Variants in COL3A1 observed in about 807,000 individuals in gnomAD.
COL3A1 encodes the protein collagen type III alpha 1 chain, also known as collagen alpha-1(III) chain.
COL3A1 carries 46 observed loss-of-function variants against 200.9 expected under a neutral mutation model. The ratio of observed to expected loss-of-function variants is 0.23; its 90% CI spans 0.18 to 0.29. The LOEUF is 0.29. COL3A1 is among the 10% of genes least tolerant of loss of function. The pLI is 1.00. For synonymous variants in COL3A1, 650 were observed against 628.0 expected (o/e 1.03, Z -0.52); for missense variants, 1,367 against 1,917.6 (o/e 0.71, Z 5.36).
rs1380159460 is a variant in COL3A1, at chr2:189,007,480, T to G, written c.3256-20T>G. ...TATGTATGTGTGTATATGACTTCAATTCAAAATATGTTTCTAAAGGGTCCT... is the reference window on the plus strand; with the variant it reads ...TATGTATGTGTGTATATGACTTCAAGTCAAAATATGTTTCTAAAGGGTCCT... On this transcript the variant is annotated intron_variant, in intron 44 of 50. Coordinates refer to ENST00000304636, the MANE Select transcript of COL3A1 (RefSeq NM_000090.4). 1.3e-6 allele frequency: 2 copies of G among 1,595,202 alleles called. No homozygotes were observed. Among genetic ancestry groups the G allele is most frequent in the East Asian group, 4.5e-5 (2 of 44,372 alleles).
At chr2:188,976,834 C>A (rs1687829251) in intron 1 of COL3A1, among the ~76,000 whole-genome samples, 1 of 152,144 alleles carries the variant, frequency 6.6e-6, no homozygotes, top group Admixed American at 6.6e-5. Flanking sequence ...TATAAACATG[C>A]CAAGTTTTAA....
chr2:189,009,658 G>C (rs1254611424), intron 48 of COL3A1, among the ~76,000 whole-genome samples: 1 of 152,082 alleles, frequency 6.6e-6, no homozygotes, highest in East Asian at 1.9e-4. Context: ...TATTGTAATA[G>C]TTTAAGGTTT....
rs1688631257 is a variant in COL3A1, at chr2:189,007,918, C to A, written c.3397C>A (p.Pro1133Thr). The change falls in exon 46 of 51, where the codon CCA becomes ACA. Residue 1133 changes from proline (P) to threonine (T), a missense_variant. This residue lies in a region of COL3A1 where 846 missense variants were observed against 1,147.9 expected (regional missense o/e 0.74). Transcript: ENST00000304636. ...TGGTCAGCAGGGTGCAATCGGCAGTCCAGGACCTGCAGGCCCCAGAGTAAG... is the reference window on the plus strand; with the variant it reads ...TGGTCAGCAGGGTGCAATCGGCAGTACAGGACCTGCAGGCCCCAGAGTAAG... ...PAGQQGAIGS[P>T]GPAGPRGPVG... 1 of 1,614,000 alleles carries A rather than the reference C, an allele frequency of 6.2e-7. No homozygotes were observed.
rs774054834 is a variant in COL3A1, at chr2:189,007,037, A to G, written c.3255+47A>G. On this transcript the variant is annotated intron_variant, in intron 44 of 50. Coordinates refer to ENST00000304636, the MANE Select transcript of COL3A1 (RefSeq NM_000090.4). ...TTTTATTTTGTTTTGTTCTTTTTTT[A>G]ACTCATTCTACAGTGTAGGAAATAT... 6.0e-6 allele frequency: 9 copies of G among 1,501,360 alleles called. No homozygotes were observed. In the South Asian group the frequency reaches 9.1e-5, roughly 15 times the overall value. The allele number at this position is 1,501,360 out of a possible 1,614,324, so 93.0% of individuals were successfully genotyped here. A position where few individuals can be genotyped will look rare whatever the true frequency, so the allele number is the denominator to read the frequency against.
chr2:189,001,476 A>G lies in COL3A1; in HGVS notation c.2337+26A>G, dbSNP rs752867182. On this transcript the variant is annotated intron_variant, in intron 33 of 50. Coordinates refer to ENST00000304636, the MANE Select transcript of COL3A1 (RefSeq NM_000090.4). ...GTAACCCTTAATACTACCTGGATAT[A>G]AAAAGAAAATGTCTCTCTCTTTTGG... 34 of 1,613,892 alleles carry G rather than the reference A, an allele frequency of 2.1e-5. 1 individual carries two copies. The highest frequency in any genetic ancestry group is 4.0e-5 in the African/African-American group (3 of 74,914).
intron 32 of COL3A1, among the ~76,000 whole-genome samples, chr2:189,000,824 AC>A (rs997241836): frequency 2.0e-5 from 3 of 152,186 alleles, no homozygotes; most frequent in Non-Finnish European, 2.9e-5. Flanking sequence ...AAAACAAAAA[AC>A]ATCTCCTAAA....
chr2:188,990,497 A>AGTTT lies in COL3A1; in HGVS notation c.798+145_798+148dup, dbSNP rs1025186699. On this transcript the variant is annotated intron_variant, in intron 10 of 50. Transcript: ENST00000304636. ...TAATTTGATATTTTTAAGTCTACTA[A>AGTTT]GTTTGTTTGTTGACCAAACTAGTCA... The AGTTT allele has an allele frequency of 4.8e-6, 4 of 829,754 alleles. No homozygotes were observed. The Admixed American group carries it at 6.6e-5, about 14-fold the overall frequency. The allele number at this position is 829,754 out of a possible 1,614,324, so 51.4% of individuals were successfully genotyped here. A position where few individuals can be genotyped will look rare whatever the true frequency, so the allele number is the denominator to read the frequency against.
At position 189,011,764 on chromosome 2, in the gene COL3A1, G is replaced by C; in HGVS notation, c.4391G>C (p.Cys1464Ser). The C allele has an allele frequency of 1.2e-6, 2 of 1,613,820 alleles. No homozygotes were observed. Among genetic ancestry groups the C allele is most frequent in the Non-Finnish European group, 1.7e-6 (2 of 1,179,788 alleles). Reference protein sequence around the residue: ...QEFGVDVGPVCFL With the variant: ...QEFGVDVGPVSFL Reference sequence around the variant, plus strand: ...TTTGGTGTGGACGTTGGCCCTGTTTGCTTTTTATAAACCAAACTCTATCTG... The same window carrying C: ...TTTGGTGTGGACGTTGGCCCTGTTTCCTTTTTATAAACCAAACTCTATCTG... The change falls in exon 51 of 51, where the codon TGC (cysteine) becomes TCC (serine). Residue 1464 changes from cysteine to serine, a missense_variant. This residue lies in a region of COL3A1 where 846 missense variants were observed against 1,147.9 expected (regional missense o/e 0.74). Coordinates refer to ENST00000304636, the MANE Select transcript of COL3A1 (RefSeq NM_000090.4).
intron 1 of COL3A1, among the ~76,000 whole-genome samples, chr2:188,980,511 C>T (rs1687930540): frequency 1.3e-5 from 2 of 149,968 alleles, no homozygotes; most frequent in African/African-American, 4.9e-5. Flanking sequence ...AAGGACATTT[C>T]TAAGGAGATT....
chr2:189,006,931 T>A lies in COL3A1; in HGVS notation c.3202-6T>A. On this transcript the variant is annotated splice_polypyrimidine_tract_variant and splice_region_variant and intron_variant, in intron 43 of 50. Transcript: ENST00000304636. ...ATGTCTTCTCAATTGAATGTTTTCA[T>A]CTTAGGGCCCTGCTGGCCCTGCTGG... The A allele has an allele frequency of 6.2e-7, 1 of 1,613,350 alleles. No homozygotes were observed. Among genetic ancestry groups the A allele is most frequent in the East Asian group, 2.2e-5 (1 of 44,828 alleles).
intron 1 of COL3A1, among the ~76,000 whole-genome samples, chr2:188,982,896 A>G (rs1021028232): frequency 6.6e-6 from 1 of 151,924 alleles, no homozygotes; most frequent in African/African-American, 2.4e-5. Context: ...TGGTGAACTT[A>G]GTACTTAAAT....
intron 14 of COL3A1, among the ~76,000 whole-genome samples, chr2:188,992,553 T>C (rs924368062): frequency 6.6e-6 from 1 of 152,094 alleles, no homozygotes; most frequent in Non-Finnish European, 1.5e-5. Context: ...TAATATCCTA[T>C]GTAAGACATG....
In COL3A1 at chr2:188,994,302, T is replaced by G; in HGVS notation, c.1263T>G (p.Ala421=). The stretch of plus-strand genomic sequence containing the variant: ...GGGGTCCTCCAGGACCAGCCGGTGC[T>G]AATGGTGCTCCTGGACTGCGAGGTG... ...GARGPPGPAG[A]NGAPGLRGGA... is the part of the protein sequence containing the mutation. The change falls in exon 18 of 51, where the codon GCT becomes GCG. Residue 421 remains alanine, a synonymous_variant. Transcript: ENST00000304636. This position sits in a 1 kb window ranked among gnomAD's most constrained non-coding sequence, Gnocchi z 4.5. 6.2e-7 allele frequency: 1 copy of G among 1,613,840 alleles called. No homozygotes were observed. The highest frequency in any genetic ancestry group is 8.5e-7 in the Non-Finnish European group (1 of 1,179,984).
chr2:189,008,675 A>G, intron 47 of COL3A1: 1 of 564,080 alleles, frequency 1.8e-6, no homozygotes, highest in Non-Finnish European at 3.1e-6. Context: ...GAAGAATGAT[A>G]GAGAAAACTT....
rs1176629779 is a variant in COL3A1 at position 189,003,576 on chromosome 2, C to T, written c.2607+112C>T. The T allele has an allele frequency of 2.3e-6, 3 of 1,331,720 alleles. No homozygotes were observed. The African/African-American group carries it at 4.3e-5, about 19-fold the overall frequency. 82.5% of individuals were successfully genotyped at this position (1,331,720 alleles called of 1,614,324 possible). Reference sequence around the variant, plus strand: ...AAAGAGAATGTAAAAATTGTAATCGCTCATTCATACATGAGTTATATGTAA... The same window carrying T: ...AAAGAGAATGTAAAAATTGTAATCGTTCATTCATACATGAGTTATATGTAA... On this transcript the variant is annotated intron_variant, in intron 37 of 50. Transcript: ENST00000304636.
chr2:188,977,920 T>C (rs1359645462), intron 1 of COL3A1, among the ~76,000 whole-genome samples: 1 of 152,060 alleles, frequency 6.6e-6, no homozygotes, highest in African/African-American at 2.4e-5. Context: ...CAGGATCTTA[T>C]CATTTTAAAA....
intron 47 of COL3A1, 146 bp downstream of exon 47, chr2:189,008,288 C>G: frequency 1.3e-6 from 1 of 744,234 alleles, no homozygotes; most frequent in Non-Finnish European, 2.3e-6. Flanking sequence ...AAGACATTCT[C>G]CATCACATTA....
intron 50 of COL3A1, 45 bp from the exon 51 acceptor site, chr2:189,011,579 CTAAG>C: frequency 6.2e-7 from 1 of 1,611,076 alleles, no homozygotes; most frequent in East Asian, 2.2e-5. Flanking sequence ...TCAGAGTTGT[CTAAG>C]TAATTGTAAT....
intron 37 of COL3A1, 89 bp downstream of exon 37, chr2:189,003,553 A>G (rs1013467026): frequency 5.0e-6 from 7 of 1,413,202 alleles, no homozygotes; most frequent in South Asian, 4.7e-5. Flanking sequence ...AGTTCCATAA[A>G]GAGAATGTAA....
Sources: gnomAD v4.1 joint callset for allele counts (sites outside exome capture counted in the v4.1 genomes callset) on GRCh38, gnomAD v4.1.1 for gene constraint, gnomAD v4.1.1 regional missense constraint, Gnocchi (gnomAD v3.1) non-coding constraint, MANE v1.5 for transcripts, NCBI Gene and HGNC (gene_info 2026-07-23, HGNC 2026-07-21) for gene names.